The following RXFP2 variants were observed in gnomAD, a reference collection of about 807,000 sequenced individuals.
RXFP2 encodes relaxin family peptide receptor 2.
A neutral mutation model predicts 88.6 loss-of-function variants in RXFP2; 68 were observed. The ratio of observed to expected loss-of-function variants is 0.77; its 90% CI spans 0.63 to 0.94. The LOEUF (loss-of-function observed/expected upper bound fraction) is 0.94, where lower values mean the gene tolerates loss of function less well. Among genes scored for constraint, RXFP2 ranks in the 40% least tolerant of loss-of-function variants. The probability of loss-of-function intolerance (pLI) is 0.00; values close to 1 mark genes in which losing one functional copy is unlikely to be tolerated. For missense variants in RXFP2, 791 were observed against 893.9 expected, an observed-to-expected ratio of 0.88 and a Z score of 1.47; for synonymous variants, 329 against 306.8, an observed-to-expected ratio of 1.07 and a Z score of -0.76.
chr13:31,774,613 C>A lies in RXFP2; in HGVS notation c.498-7C>A, dbSNP rs745606493. On this transcript the variant is annotated splice_polypyrimidine_tract_variant and splice_region_variant and intron_variant, in intron 5 of 17. Coordinates refer to ENST00000298386, the MANE Select transcript of RXFP2 (RefSeq NM_130806.5). ...ATCACCTGACTCTCTTATCTTATTC[C>A]TACCAGATTTCTTCAGCATAATTGC... 5.5e-6 allele frequency: 8 copies of A among 1,462,166 alleles called. No individual in the cohort carries two copies. Among genetic ancestry groups the A allele is most frequent in the Non-Finnish European group, 7.7e-6 (8 of 1,041,730 alleles). The allele number at this position is 1,462,166 out of a possible 1,614,324, so 90.6% of individuals were successfully genotyped here.
chr13:31,749,087 T>C (rs1013194327), intron 1 of RXFP2, among the ~76,000 whole-genome samples: 1 of 152,232 alleles, frequency 6.6e-6, no homozygotes, highest in Non-Finnish European at 1.5e-5. Context: ...TTGGCTTTTC[T>C]TCTTTGTATT....
At chr13:31,777,942 G>T (rs1005773089) in intron 8 of RXFP2, among the ~76,000 whole-genome samples, 2 of 152,070 alleles carry the variant, frequency 1.3e-5, no homozygotes, top group Non-Finnish European at 2.9e-5. Context: ...TTATCAGCAG[G>T]GGATTATTAT....
At chr13:31,790,121 A>G (rs948639760) in intron 14 of RXFP2, among the ~76,000 whole-genome samples, 3 of 152,234 alleles carry the variant, frequency 2.0e-5, no homozygotes, top group African/African-American at 4.8e-5. Flanking sequence ...AACAATTAAG[A>G]GAAAACACAT....
chr13:31,752,726 A>T (rs750004895), intron 1 of RXFP2, among the ~76,000 whole-genome samples: 6 of 152,172 alleles, frequency 3.9e-5, no homozygotes, highest in Non-Finnish European at 8.8e-5. Flanking sequence ...GGCTCTGGCC[A>T]GGTGCACTCC....
intron 10 of RXFP2, 60 bp downstream of exon 10, chr13:31,781,802 A>G: frequency 7.1e-7 from 1 of 1,406,364 alleles, no homozygotes; most frequent in Non-Finnish European, 1.0e-6. Flanking sequence ...GAAGTTAAAA[A>G]GAAAACATTG....
chr13:31,753,875 T>C (rs1244652268), intron 1 of RXFP2, among the ~76,000 whole-genome samples: 1 of 152,140 alleles, frequency 6.6e-6, no homozygotes, highest in African/African-American at 2.4e-5. Context: ...GAGCACCAAG[T>C]AAGACATTAA....
chr13:31,774,546 T>A, intron 5 of RXFP2, 74 bp from the exon 6 acceptor site: 1 of 814,080 alleles, frequency 1.2e-6, no homozygotes, highest in Non-Finnish European at 2.2e-6. Context: ...GTAAAGAAAG[T>A]GGAGAATATG....
rs1165762015 is a variant in RXFP2 at position 31,776,097 on chromosome 13, T to C, written c.641+708T>C. ...CTTTCTTTCCTTCCTTCTTTCTTTC[T>C]TTTCTTTTCTTTCTTTCTTTCTTTC... On this transcript the variant is annotated intron_variant, in intron 7 of 17. Coordinates refer to ENST00000298386, the MANE Select transcript of RXFP2 (RefSeq NM_130806.5). Among the ~76,000 whole-genome samples, 388 of 112,826 alleles carry C rather than the reference T, an allele frequency of 3.4e-3. 6 individuals are homozygous for C. Among genetic ancestry groups the C allele is most frequent in the African/African-American group, 0.013 (329 of 26,194 alleles). 74.0% of individuals were successfully genotyped at this position (112,826 alleles called of 152,430 possible).
chr13:31,758,386 G>T lies in RXFP2; in HGVS notation c.223G>T (p.Ala75Ser). 1 of 1,614,104 alleles carries T rather than the reference G, an allele frequency of 6.2e-7. No individual in the cohort carries two copies. Among genetic ancestry groups the T allele is most frequent in the Non-Finnish European group, 8.5e-7 (1 of 1,180,000 alleles). ...CDGKDDCGNG[A>S]DEENCGDTSG... The stretch of plus-strand genomic sequence containing the variant: ...TGGCAAGGATGACTGTGGGAACGGG[G>T]CGGACGAAGAGAACTGTGGTGAGTG... The change falls in exon 2 of 18, where the codon GCG (alanine) becomes TCG (serine). Residue 75 changes from alanine to serine, a missense_variant. By Grantham distance (99) the Ala-to-Ser change is moderately conservative (BLOSUM62 1). Coordinates refer to ENST00000298386, the MANE Select transcript of RXFP2 (RefSeq NM_130806.5).
At chr13:31,797,154 T>C in intron 16 of RXFP2, 47 bp from the exon 17 acceptor site, 1 of 1,300,640 alleles carries the variant, frequency 7.7e-7, no homozygotes, top group Non-Finnish European at 1.1e-6. Context: ...GTAATTTTAC[T>C]GTTGACTTTT....
chr13:31,760,711 C>T (rs1566219296), intron 2 of RXFP2, among the ~76,000 whole-genome samples: 1 of 152,128 alleles, frequency 6.6e-6, no homozygotes, highest in Non-Finnish European at 1.5e-5. Flanking sequence ...TCAAAGCAGA[C>T]TGTGGGCAAT....
chr13:31,759,403 A>AAGAAAGAAAGAAAGAG (rs1872165160), intron 2 of RXFP2, among the ~76,000 whole-genome samples: 2 of 149,098 alleles, frequency 1.3e-5, no homozygotes, highest in Non-Finnish European at 3.0e-5. Context: ...GAAAGAAAGA[A>AAGAAAGAAAGAAAGAG]AGAAAGAAAG....
intron 5 of RXFP2, among the ~76,000 whole-genome samples, chr13:31,768,074 T>C (rs535561277): frequency 1.1e-4 from 16 of 152,256 alleles, no homozygotes; most frequent in Admixed American, 7.2e-4. Flanking sequence ...ATTTAATAAT[T>C]CAGGTCCACA....
At chr13:31,793,812 C>A (rs558295929) in intron 16 of RXFP2, among the ~76,000 whole-genome samples, 1 of 152,142 alleles carries the variant, frequency 6.6e-6, no homozygotes, top group East Asian at 1.9e-4. Context: ...ATCCAAGGAG[C>A]CAACAAGCTC....
intron 5 of RXFP2, among the ~76,000 whole-genome samples, chr13:31,767,252 T>TC (rs1162569437): frequency 1.3e-5 from 2 of 152,192 alleles, no homozygotes; most frequent in African/African-American, 2.4e-5. Context: ...ACATCAATAC[T>TC]CAATCATACC....
At chr13:31,790,414 C>G (rs1873739023) in intron 14 of RXFP2, among the ~76,000 whole-genome samples, 1 of 152,170 alleles carries the variant, frequency 6.6e-6, no homozygotes, top group African/African-American at 2.4e-5. Context: ...GTTCAGGTTC[C>G]TTTAATTGGA....
chr13:31,765,209 A>G (rs1300328647), intron 4 of RXFP2, 67 bp downstream of exon 4: 6 of 975,518 alleles, frequency 6.2e-6, no homozygotes, highest in South Asian at 5.2e-5. Flanking sequence ...AAAAAACCCA[A>G]TAGTGTTGCT....
chr13:31,778,610 G>C (rs1341421918), intron 9 of RXFP2, 27 bp downstream of exon 9: 8 of 1,482,612 alleles, frequency 5.4e-6, no homozygotes, highest in Middle Eastern at 1.8e-4. Context: ...GAATTAATTT[G>C]TTATTTGCCC....
chr13:31,795,734 A>G (rs1874002041), intron 16 of RXFP2, among the ~76,000 whole-genome samples: 2 of 152,296 alleles, frequency 1.3e-5, no homozygotes, highest in South Asian at 4.1e-4. Context: ...TTTTTTAACA[A>G]CTTTGAAAAT....
Sources: gnomAD v4.1 joint callset for allele counts (sites outside exome capture counted in the v4.1 genomes callset) on GRCh38, gnomAD v4.1.1 for gene constraint, MANE v1.5 for transcripts, NCBI Gene and HGNC (gene_info 2026-07-23, HGNC 2026-07-21) for gene names.